The following GPHN variants were observed in gnomAD, a reference collection of about 807,000 sequenced individuals.
The protein encoded by GPHN is gephyrin.
Under a neutral mutation model 95.5 loss-of-function variants are expected in GPHN, and 17 were observed. The observed-to-expected ratio is 0.18, with a 90% CI of 0.12 to 0.27. The LOEUF (loss-of-function observed/expected upper bound fraction) is 0.27, where lower values mean the gene tolerates loss of function less well. Ranked by LOEUF, GPHN falls within the 10% of genes least tolerant of loss-of-function variation. GPHN has a pLI of 1.00. For missense variants in GPHN, 660 were observed against 978.1 expected (o/e 0.67, Z 4.34); for synonymous variants, 320 against 322.5 (o/e 0.99, Z 0.08).
chr14:67,660,446 C>CA, the GPHN span, among the ~76,000 whole-genome samples: 1 of 152,120 alleles, frequency 6.6e-6, no homozygotes, highest in Non-Finnish European at 1.5e-5. Context: ...AGTCAGGATT[C>CA]AAAATCTTCA....
At chr14:67,106,711 T>C (rs1438240251) in intron 13 of GPHN, among the ~76,000 whole-genome samples, 1 of 152,224 alleles carries the variant, frequency 6.6e-6, no homozygotes, top group Non-Finnish European at 1.5e-5. Flanking sequence ...TGAATTGTTT[T>C]GCTGATTTTG....
At chr14:67,071,488 T>TG (rs1177350066) in intron 11 of GPHN, among the ~76,000 whole-genome samples, 3 of 128,382 alleles carry the variant, frequency 2.3e-5, no homozygotes, top group Non-Finnish European at 3.3e-5. Flanking sequence ...TGTTATGGGA[T>TG]GGGGGGAGTG....
intron 9 of GPHN, among the ~76,000 whole-genome samples, chr14:67,022,568 G>GTTGTGT (rs1555466198): frequency 5.7e-4 from 12 of 20,880 alleles, no homozygotes; most frequent in South Asian, 2.3e-3. Context: ...TTTTTTTTTT[G>GTTGTGT]GTGTGTGTGT....
chr14:67,361,655 G>A, the GPHN span, among the ~76,000 whole-genome samples: 1 of 152,214 alleles, frequency 6.6e-6, no homozygotes. Context: ...CATTTGTCAT[G>A]CAAAATAACT....
At chr14:66,884,820 A>G (rs112056369) in intron 5 of GPHN, among the ~76,000 whole-genome samples, 7,200 of 117,266 alleles carry the variant, frequency 0.061, 253 homozygotes, top group Admixed American at 0.15. Flanking sequence ...GTGTGTGTGT[A>G]TATATATATA....
At chr14:67,341,550 C>A in the GPHN span, among the ~76,000 whole-genome samples, 15 of 150,938 alleles carry the variant, frequency 9.9e-5, no homozygotes, top group African/African-American at 3.7e-4. Context: ...CCGCCCCGTC[C>A]GGGAGGGAGG....
chr14:66,980,054 G>C (rs535602822), intron 9 of GPHN, among the ~76,000 whole-genome samples: 1 of 152,020 alleles, frequency 6.6e-6, no homozygotes, highest in Non-Finnish European at 1.5e-5. Flanking sequence ...CAAAACAATT[G>C]CAAAAGTAGC....
the GPHN span, among the ~76,000 whole-genome samples, chr14:67,188,292 G>A: frequency 8.2e-3 from 1,255 of 152,162 alleles, 19 homozygotes; most frequent in East Asian, 0.055. Flanking sequence ...TTTTAAAGAC[G>A]CTTTTGAAGG....
At chr14:66,539,109 A>T (rs1399895990) in intron 1 of GPHN, among the ~76,000 whole-genome samples, 2 of 152,120 alleles carry the variant, frequency 1.3e-5, no homozygotes, top group East Asian at 1.9e-4. Flanking sequence ...AGGAGATCTA[A>T]TTCTGTTCTT....
the GPHN span, chr14:67,302,361 A>C: frequency 7.8e-7 from 1 of 1,280,556 alleles, no homozygotes. Context: ...AATGCTTAAC[A>C]AAAATTGTAT....
At chr14:67,712,184 T>C in the GPHN span, among the ~76,000 whole-genome samples, 14 of 152,082 alleles carry the variant, frequency 9.2e-5, no homozygotes, top group Admixed American at 2.6e-4. Flanking sequence ...CCTCCCAAAG[T>C]GTTGGGATTA....
chr14:67,099,232 C>T (rs974163946), intron 12 of GPHN, among the ~76,000 whole-genome samples: 1 of 151,966 alleles, frequency 6.6e-6, no homozygotes, highest in African/African-American at 2.4e-5. Context: ...GCCTCAGCCT[C>T]CCGAGTAGCC....
At chr14:67,678,262 G>T in the GPHN span, 10 of 1,106,180 alleles carry the variant, frequency 9.0e-6, no homozygotes, top group African/African-American at 1.2e-4. Flanking sequence ...GAATCATTTT[G>T]ACAAGAAGTA....
At chr14:66,900,836 G>A (rs572254228) in intron 5 of GPHN, among the ~76,000 whole-genome samples, 2 of 152,106 alleles carry the variant, frequency 1.3e-5, no homozygotes, top group South Asian at 4.1e-4. Context: ...TATGAATAGT[G>A]CTGCAGTAAA....
At chr14:66,873,976 G>C (rs1009535979) in intron 4 of GPHN, among the ~76,000 whole-genome samples, 12 of 152,312 alleles carry the variant, frequency 7.9e-5, no homozygotes, top group Middle Eastern at 3.4e-3. Context: ...CTCCCAGCAG[G>C]GGTTGACAGA....
the GPHN span, among the ~76,000 whole-genome samples, chr14:67,719,848 C>G: frequency 6.6e-6 from 1 of 152,104 alleles, no homozygotes; most frequent in Non-Finnish European, 1.5e-5. Context: ...TTTTTTACAG[C>G]TGTATACTAT....
At chr14:66,948,543 A>G (rs2067894609) in intron 8 of GPHN, among the ~76,000 whole-genome samples, 1 of 152,156 alleles carries the variant, frequency 6.6e-6, no homozygotes. Context: ...TCAGCTGTCT[A>G]GTATATTACT....
intron 1 of GPHN, among the ~76,000 whole-genome samples, chr14:66,546,838 T>G (rs976288687): frequency 6.6e-5 from 10 of 151,970 alleles, no homozygotes; most frequent in Non-Finnish European, 1.2e-4. Flanking sequence ...GCGTGTAACC[T>G]TTGTAACTTC....
chr14:67,140,215 C>T (rs2080368545), intron 17 of GPHN, among the ~76,000 whole-genome samples: 1 of 152,046 alleles, frequency 6.6e-6, no homozygotes, highest in Admixed American at 6.6e-5. Context: ...GAAACCCTGT[C>T]TCTACTAAAA....
Sources: allele counts gnomAD v4.1 joint callset (sites outside exome capture counted in the v4.1 genomes callset), GRCh38; gene constraint gnomAD v4.1.1; transcripts MANE v1.5; gene names NCBI Gene and HGNC (gene_info 2026-07-23, HGNC 2026-07-21).